Variants in FYTTD1 observed in about 807,000 individuals in gnomAD.
The protein encoded by FYTTD1 is forty-two-three domain containing 1.
In FYTTD1, 22 loss-of-function variants were observed where a neutral mutation model predicts 40.9. The observed-to-expected ratio is 0.54, with a 90% CI of 0.38 to 0.77. The LOEUF is 0.77. Among genes scored for constraint, FYTTD1 ranks in the 30% least tolerant of loss-of-function variants. The pLI is 0.00. For synonymous variants in FYTTD1, 140 were observed against 137.9 expected (o/e 1.01, Z -0.10); for missense variants, 351 against 392.2 (o/e 0.90, Z 0.89).
chr3:197,775,401 A>C (rs999925254), intron 6 of FYTTD1, among the ~76,000 whole-genome samples: 1 of 152,176 alleles, frequency 6.6e-6, no homozygotes, highest in African/African-American at 2.4e-5. Flanking sequence ...TCTCAAGGGA[A>C]TTGTTGCCAG....
In FYTTD1 at chr3:197,776,966, A is replaced by C; in HGVS notation, c.696A>C (p.Val232=). ...CCACAAATGGAGGGATTTTGACTGT[A>C]TCTATTGACAATCCTGGAGCAGTGC... ...TSTTNGGILT[V]SIDNPGAVQC... is the part of the protein sequence containing the mutation. Residue 232 remains valine (V), a synonymous_variant, in exon 7 of 9, where the codon GTA becomes GTC. Transcript: ENST00000241502. 2 of 1,612,240 alleles carry C rather than the reference A, an allele frequency of 1.2e-6. No homozygotes were observed. The highest frequency in any genetic ancestry group is 1.7e-6 in the Non-Finnish European group (2 of 1,178,782).
intron 6 of FYTTD1, 75 bp downstream of exon 6, chr3:197,774,285 T>A: frequency 8.2e-7 from 1 of 1,214,902 alleles, no homozygotes; most frequent in Non-Finnish European, 1.2e-6. Context: ...ATCATGTACC[T>A]CAGTCCAGAA....
chr3:197,755,179 G>C (rs1729176971), intron 1 of FYTTD1, among the ~76,000 whole-genome samples: 1 of 152,160 alleles, frequency 6.6e-6, no homozygotes, highest in African/African-American at 2.4e-5. Flanking sequence ...CTAGAGGTGA[G>C]TCATTAGTAT....
chr3:197,757,273 ATGGCT>A (rs1729239718), intron 2 of FYTTD1, among the ~76,000 whole-genome samples: 3 of 152,238 alleles, frequency 2.0e-5, no homozygotes. Flanking sequence ...ACTAATATAT[ATGGCT>A]TGTTAACTTC....
At chr3:197,749,849 A>G, upstream of FYTTD1, 1 of 581,014 alleles carries the variant, frequency 1.7e-6, no homozygotes, top group Non-Finnish European at 2.8e-6. Flanking sequence ...GCGGGTGGAG[A>G]CCGAGGACGG....
chr3:197,762,038 T>G (rs1729403864), intron 2 of FYTTD1, among the ~76,000 whole-genome samples: 1 of 152,176 alleles, frequency 6.6e-6, no homozygotes, highest in African/African-American at 2.4e-5. Flanking sequence ...TAGAGAGCTC[T>G]CCAGGGTCAC....
chr3:197,758,171 C>T (rs1729263764), intron 2 of FYTTD1, among the ~76,000 whole-genome samples: 1 of 152,202 alleles, frequency 6.6e-6, no homozygotes, highest in Non-Finnish European at 1.5e-5. Context: ...CTGCCTCAGC[C>T]CCACAAAGTG....
chr3:197,776,271 T>C (rs1164898042), intron 6 of FYTTD1, among the ~76,000 whole-genome samples: 1 of 150,216 alleles, frequency 6.7e-6, no homozygotes, highest in Non-Finnish European at 1.5e-5. Flanking sequence ...AGTGGCACAA[T>C]CTCAGTTCAC....
intron 2 of FYTTD1, among the ~76,000 whole-genome samples, chr3:197,757,462 T>G (rs1729244410): frequency 6.6e-6 from 1 of 152,254 alleles, no homozygotes; most frequent in African/African-American, 2.4e-5. Context: ...AGTTCTGTGT[T>G]TACAGCTAAT....
At chr3:197,764,914 G>T (rs369101922) in intron 2 of FYTTD1, among the ~76,000 whole-genome samples, 1 of 151,158 alleles carries the variant, frequency 6.6e-6, no homozygotes, top group Non-Finnish European at 1.5e-5. Context: ...GTGGTAGTGC[G>T]ATCTTGGCTC....
intron 6 of FYTTD1, among the ~76,000 whole-genome samples, chr3:197,774,951 G>A (rs896019859): frequency 6.6e-6 from 1 of 152,236 alleles, no homozygotes; most frequent in Non-Finnish European, 1.5e-5. Flanking sequence ...TTTGTCCTTT[G>A]TTAATTTTCC....
At chr3:197,775,936 G>A (rs1729861913) in intron 6 of FYTTD1, among the ~76,000 whole-genome samples, 1 of 152,182 alleles carries the variant, frequency 6.6e-6, no homozygotes, top group Admixed American at 6.5e-5. Context: ...GTAAATGTCC[G>A]ATTTTGACTA....
At position 197,749,971 on chromosome 3, in the gene FYTTD1, C is replaced by A; in HGVS notation, c.-1C>A. ...CCGCTCTCGGCGCGACGTCTCCAGC[C>A]ATGAACCGGTTTGGTACCCGGTTGG... On this transcript the variant is annotated 5_prime_UTR_variant, in exon 1 of 9. Transcript: ENST00000241502. 6.3e-7 allele frequency: 1 copy of A among 1,577,426 alleles called. No individual in the cohort carries two copies. Among genetic ancestry groups the A allele is most frequent in the Non-Finnish European group, 8.6e-7 (1 of 1,163,602 alleles).
chr3:197,768,028 T>G (rs776439557), intron 2 of FYTTD1, among the ~76,000 whole-genome samples: 1 of 152,250 alleles, frequency 6.6e-6, no homozygotes, highest in African/African-American at 2.4e-5. Context: ...AATATTTCAC[T>G]ATATAATTTA....
At position 197,784,235 on chromosome 3, in the gene FYTTD1, T is replaced by TA; in HGVS notation, c.*2327dup. 1 of 152,490 alleles carries TA rather than the reference T, an allele frequency of 6.6e-6. No homozygotes were observed. The highest frequency in any genetic ancestry group is 1.5e-5 in the Non-Finnish European group (1 of 68,040). 9.4% of individuals were successfully genotyped at this position (152,490 alleles called of 1,614,324 possible). ...ACTTTTTGGTGTTTTTTGGAAAAGT[T>TA]ACATTTAGATCTATTCTGAAGCTGT... On this transcript the variant is annotated 3_prime_UTR_variant, in exon 9 of 9. Coordinates refer to ENST00000241502, the MANE Select transcript of FYTTD1 (RefSeq NM_032288.7).
intron 8 of FYTTD1, among the ~76,000 whole-genome samples, chr3:197,778,758 T>C (rs2109055091): frequency 6.6e-6 from 1 of 152,372 alleles, no homozygotes; most frequent in Middle Eastern, 3.4e-3. Flanking sequence ...ATCATATGTA[T>C]ATACCACATC....
chr3:197,778,745 T>G (rs887637437), intron 8 of FYTTD1, among the ~76,000 whole-genome samples: 1 of 152,210 alleles, frequency 6.6e-6, no homozygotes, highest in Non-Finnish European at 1.5e-5. Context: ...CTGAACAGTG[T>G]TCATCATATG....
At chr3:197,776,727 A>G (rs1240658685) in intron 6 of FYTTD1, among the ~76,000 whole-genome samples, 200 bp from the exon 7 acceptor site, 2 of 152,068 alleles carry the variant, frequency 1.3e-5, no homozygotes, top group Non-Finnish European at 2.9e-5. Flanking sequence ...ATTACACTGA[A>G]AAATATTTAA....
In FYTTD1 at chr3:197,786,588, A is replaced by G. The variant is rs1458212073; in HGVS notation, c.*4679A>G. ...TGCATATTTAATTTCTACTTACTCCATTTCCCTTTAATGAGAAAAGAATCA... is the reference window on the plus strand; with the variant it reads ...TGCATATTTAATTTCTACTTACTCCGTTTCCCTTTAATGAGAAAAGAATCA... On this transcript the variant is annotated 3_prime_UTR_variant, in exon 9 of 9. Transcript: ENST00000241502. 1 of 152,136 alleles carries G rather than the reference A, an allele frequency of 6.6e-6. No homozygotes were observed. Among genetic ancestry groups the G allele is most frequent in the Non-Finnish European group, 1.5e-5 (1 of 68,040 alleles). The allele number at this position is 152,136 out of a possible 1,614,324, so 9.4% of individuals were successfully genotyped here.
Sources: allele counts gnomAD v4.1 joint callset (sites outside exome capture counted in the v4.1 genomes callset), GRCh38; gene constraint gnomAD v4.1.1; transcripts MANE v1.5; gene names NCBI Gene and HGNC (gene_info 2026-07-23, HGNC 2026-07-21).